SPIDR: variants seen among roughly 807,000 people sequenced by gnomAD.
The protein encoded by SPIDR is scaffold protein involved in DNA repair.
SPIDR carries 93 observed loss-of-function variants against 104.6 expected under a neutral mutation model. The ratio of observed to expected loss-of-function variants is 0.89; its 90% confidence interval spans 0.75 to 1.06. SPIDR has a LOEUF of 1.06. SPIDR is among the 50% of genes least tolerant of loss of function. The pLI is 0.00. For missense variants in SPIDR, 1,154 were observed against 1,111.2 expected (o/e 1.04, Z -0.55); for synonymous variants, 431 against 416.9 (o/e 1.03, Z -0.41).
At chr8:47,590,753 C>G (rs1211765003) in intron 8 of SPIDR, among the ~76,000 whole-genome samples, 1 of 152,124 alleles carries the variant, frequency 6.6e-6, no homozygotes, top group African/African-American at 2.4e-5. Context: ...ATGTTGATGT[C>G]TGCAATTCTA....
At chr8:47,410,277 G>C (rs1339981665) in intron 7 of SPIDR, among the ~76,000 whole-genome samples, 6 of 151,754 alleles carry the variant, frequency 4.0e-5, no homozygotes, top group African/African-American at 1.5e-4. Context: ...CGTATCCTGA[G>C]TTCAAGCGAT....
chr8:47,331,043 C>A (rs1241336029), intron 5 of SPIDR: 1 of 302,828 alleles, frequency 3.3e-6, no homozygotes, highest in Non-Finnish European at 6.7e-6. Flanking sequence ...TTTAGCCATT[C>A]TAGTAAGTAT....
chr8:47,478,495 G>A (rs1554724937), intron 8 of SPIDR, among the ~76,000 whole-genome samples: 1 of 152,154 alleles, frequency 6.6e-6, no homozygotes, highest in Admixed American at 6.5e-5. Flanking sequence ...TGAACTAACT[G>A]CTTTAAAAGT....
chr8:47,294,062 A>C, intron 5 of SPIDR, 32 bp downstream of exon 5: 1 of 1,574,592 alleles, frequency 6.4e-7, no homozygotes, highest in Non-Finnish European at 8.6e-7. Flanking sequence ...ACTTTTATTC[A>C]CTTTATAACA....
intron 1 of SPIDR, among the ~76,000 whole-genome samples, chr8:47,274,088 A>T (rs1240499883): frequency 6.6e-6 from 1 of 152,226 alleles, no homozygotes; most frequent in South Asian, 2.1e-4. Flanking sequence ...GGAATTCTTT[A>T]TAAATAACAA....
intron 8 of SPIDR, among the ~76,000 whole-genome samples, chr8:47,562,821 C>T (rs1294552988): frequency 2.6e-5 from 4 of 152,292 alleles, no homozygotes; most frequent in South Asian, 2.1e-4. Flanking sequence ...TCCCACCCTT[C>T]ATCCCCGCCA....
chr8:47,723,592 G>A (rs1324014091), intron 16 of SPIDR, among the ~76,000 whole-genome samples: 2 of 151,888 alleles, frequency 1.3e-5, no homozygotes, highest in Non-Finnish European at 2.9e-5. Context: ...ACCATGCCCG[G>A]CTAATTTTTA....
chr8:47,281,286 G>A (rs1300114806), intron 2 of SPIDR, among the ~76,000 whole-genome samples: 1 of 152,214 alleles, frequency 6.6e-6, no homozygotes, highest in Non-Finnish European at 1.5e-5. Context: ...GTTGGTGGTT[G>A]AAGATTGGGG....
chr8:47,695,894 G>C (rs369618123), intron 11 of SPIDR, among the ~76,000 whole-genome samples: 1 of 152,212 alleles, frequency 6.6e-6, no homozygotes, highest in Non-Finnish European at 1.5e-5. Context: ...ATGGCAGTGA[G>C]GTGGGAACCC....
intron 5 of SPIDR, among the ~76,000 whole-genome samples, chr8:47,307,357 T>G (rs1290609173): frequency 6.6e-6 from 1 of 150,560 alleles, no homozygotes; most frequent in African/African-American, 2.4e-5. Context: ...AGGCTGGGAT[T>G]ACAGGCATGT....
chr8:47,667,549 T>C (rs933066615), intron 10 of SPIDR, among the ~76,000 whole-genome samples: 1 of 149,570 alleles, frequency 6.7e-6, no homozygotes, highest in Non-Finnish European at 1.5e-5. Flanking sequence ...TGCAAACTAA[T>C]GATCTAAGCC....
intron 5 of SPIDR, among the ~76,000 whole-genome samples, chr8:47,391,820 C>T (rs1451266470): frequency 6.6e-6 from 1 of 151,832 alleles, no homozygotes; most frequent in African/African-American, 2.4e-5. Context: ...CATGGTGAAA[C>T]CCCGTCTCTA....
Position 47,715,592 on chromosome 8 carries a change from A to T in SPIDR, c.2341+1951A>T, listed in dbSNP as rs543557473. ...GTGATTACTTTTGCACAAACCTAACATACTATGTGATCTTTCATGATTAGC... is the reference window on the plus strand; with the variant it reads ...GTGATTACTTTTGCACAAACCTAACTTACTATGTGATCTTTCATGATTAGC... On this transcript the variant is annotated intron_variant, in intron 16 of 19. Transcript: ENST00000297423. 2.6e-5 allele frequency among the ~76,000 whole-genome samples: 4 copies of T among 152,390 alleles called. No homozygotes were observed. In the South Asian group the frequency reaches 8.3e-4, roughly 32 times the overall value.
intron 17 of SPIDR, among the ~76,000 whole-genome samples, chr8:47,728,059 G>A (rs568939050): frequency 2.6e-5 from 4 of 151,620 alleles, no homozygotes; most frequent in African/African-American, 4.9e-5. Context: ...AGAGGTTGCA[G>A]TGAGCCGAGA....
intron 3 of SPIDR, among the ~76,000 whole-genome samples, chr8:47,287,871 G>T (rs1429926882): frequency 1.3e-5 from 2 of 152,172 alleles, no homozygotes; most frequent in Non-Finnish European, 2.9e-5. Context: ...AAGATAACAG[G>T]ATTAAGAGAG....
chr8:47,712,654 A>G lies in SPIDR; in HGVS notation c.1978-8A>G, dbSNP rs73677546. 1.2e-6 allele frequency: 2 copies of G among 1,611,488 alleles called. No homozygotes were observed. The highest frequency in any genetic ancestry group is 1.7e-5 in the Admixed American group (1 of 59,546). On this transcript the variant is annotated splice_region_variant and splice_polypyrimidine_tract_variant and intron_variant, in intron 14 of 19. Coordinates refer to ENST00000297423, the MANE Select transcript of SPIDR (RefSeq NM_001080394.4). ...ATAATTAATCTTTATTGTGTCTTCA[A>G]ATTGTAGCTGAAGAGTCTGCTGCTT...
At chr8:47,429,904 C>T (rs928245317) in intron 7 of SPIDR, among the ~76,000 whole-genome samples, 2 of 151,922 alleles carry the variant, frequency 1.3e-5, no homozygotes, top group African/African-American at 4.8e-5. Context: ...ATGTGCCATG[C>T]TGGTGTGCTG....
At chr8:47,554,246 C>T (rs1056490450) in intron 8 of SPIDR, among the ~76,000 whole-genome samples, 9 of 152,140 alleles carry the variant, frequency 5.9e-5, no homozygotes, top group Admixed American at 2.6e-4. Flanking sequence ...TCTCAAACTC[C>T]GTGCTGGGAG....
At chr8:47,610,163 T>A (rs2063432400) in intron 10 of SPIDR, among the ~76,000 whole-genome samples, 2 of 152,270 alleles carry the variant, frequency 1.3e-5, no homozygotes, top group Middle Eastern at 3.4e-3. Flanking sequence ...TGGAAACTTT[T>A]GTTCCTAAAA....
Sources: gnomAD v4.1 joint callset for allele counts (sites outside exome capture counted in the v4.1 genomes callset) on GRCh38, gnomAD v4.1.1 for gene constraint, MANE v1.5 for transcripts, NCBI Gene and HGNC (gene_info 2026-07-23, HGNC 2026-07-21) for gene names.